Variants in NCAM2 observed in about 807,000 individuals in gnomAD.
NCAM2 encodes the protein N-CAM-2.
Under a neutral mutation model 98.1 loss-of-function variants are expected in NCAM2, and 30 were observed. The ratio of observed to expected loss-of-function variants is 0.31; its 90% CI spans 0.23 to 0.41. NCAM2 has a LOEUF of 0.41. NCAM2 is among the 10% of genes least tolerant of loss of function. The probability of loss-of-function intolerance (pLI) is 1.00; values close to 1 mark genes in which losing one functional copy is unlikely to be tolerated. For missense variants in NCAM2, 867 were observed against 1,005.8 expected (o/e 0.86, Z 1.87); for synonymous variants, 368 against 342.4 (o/e 1.07, Z -0.83).
intron 10 of NCAM2, among the ~76,000 whole-genome samples, chr21:21,417,176 CTG>C (rs3037965): frequency 0.014 from 2,165 of 152,194 alleles, 41 homozygotes; most frequent in Admixed American, 0.037. Context: ...ACATTCTTCT[CTG>C]TTGAATTTGC....
chr21:21,155,458 A>G (rs1475014984), intron 1 of NCAM2, among the ~76,000 whole-genome samples: 2 of 151,570 alleles, frequency 1.3e-5, no homozygotes, highest in Non-Finnish European at 3.0e-5. Flanking sequence ...TTTAAACTTA[A>G]TACTTGACAC....
chr21:21,339,143 T>G (rs1424414882), intron 8 of NCAM2, among the ~76,000 whole-genome samples: 1 of 152,136 alleles, frequency 6.6e-6, no homozygotes, highest in Non-Finnish European at 1.5e-5. Context: ...CAGCCTGTTT[T>G]GGTAAATAAA....
chr21:21,256,788 T>A (rs1214123262), intron 1 of NCAM2, among the ~76,000 whole-genome samples: 1 of 152,234 alleles, frequency 6.6e-6, no homozygotes, highest in Non-Finnish European at 1.5e-5. Flanking sequence ...CATTTCTGTG[T>A]GTTGGAACCT....
intron 5 of NCAM2, among the ~76,000 whole-genome samples, chr21:21,322,114 T>C (rs1352149858): frequency 2.6e-5 from 4 of 152,178 alleles, no homozygotes; most frequent in African/African-American, 9.6e-5. Context: ...CACCATGGAC[T>C]ACTACACTGC....
intron 1 of NCAM2, among the ~76,000 whole-genome samples, chr21:21,126,832 C>T (rs567998949): frequency 1.1e-4 from 16 of 151,952 alleles, no homozygotes; most frequent in African/African-American, 3.4e-4. Context: ...AACTGTCATA[C>T]GTGTGTATTA....
chr21:21,009,738 A>G (rs767640814), intron 1 of NCAM2, among the ~76,000 whole-genome samples: 4 of 152,028 alleles, frequency 2.6e-5, no homozygotes, highest in Non-Finnish European at 5.9e-5. Flanking sequence ...TGTTATTGGA[A>G]ACCAATTCTG....
intron 5 of NCAM2, among the ~76,000 whole-genome samples, chr21:21,309,505 G>A (rs2073979999): frequency 6.6e-6 from 1 of 152,064 alleles, no homozygotes; most frequent in Non-Finnish European, 1.5e-5. Context: ...ATGAACTTTT[G>A]TTTGCTCTGT....
chr21:21,427,918 G>A (rs2077250180), intron 11 of NCAM2, among the ~76,000 whole-genome samples: 1 of 152,136 alleles, frequency 6.6e-6, no homozygotes, highest in African/African-American at 2.4e-5. Context: ...CGTATTCTAG[G>A]GTTTAAGTGC....
intron 3 of NCAM2, among the ~76,000 whole-genome samples, chr21:21,284,838 G>A (rs8133429): frequency 0.83 from 126,387 of 151,366 alleles, 53,077 homozygotes; most frequent in East Asian, 0.99. Flanking sequence ...AGTTGAAACT[G>A]ATCTAGTAGC....
chr21:21,411,719 C>T (rs141205526), intron 10 of NCAM2, among the ~76,000 whole-genome samples: 149 of 152,204 alleles, frequency 9.8e-4, no homozygotes, highest in South Asian at 2.1e-3. Flanking sequence ...ATGAAATGCA[C>T]GTTTTAGAAT....
Position 21,284,209 on chromosome 21 carries a change from A to G in NCAM2, c.146A>G (p.Glu49Gly). ...FFTCTAIGEP[E>G]SIDWYNPQGE... ...CTCTTTGCAGCGATTGGTGAACCTGAAAGTATAGATTGGTATAATCCTCAA... is the reference window on the plus strand; with the variant it reads ...CTCTTTGCAGCGATTGGTGAACCTGGAAGTATAGATTGGTATAATCCTCAA... Residue 49 changes from glutamate to glycine, a missense_variant, in exon 3 of 18, where the codon GAA (glutamate) becomes GGA (glycine). Physicochemically the swap from Glu to Gly is moderately conservative, Grantham distance 98 (BLOSUM62 -2). Transcript: ENST00000400546. 1.2e-6 allele frequency: 2 copies of G among 1,611,592 alleles called. No individual in the cohort carries two copies. The highest frequency in any genetic ancestry group is 1.7e-6 in the Non-Finnish European group (2 of 1,178,070).
At chr21:21,311,880 C>T (rs1056792294) in intron 5 of NCAM2, among the ~76,000 whole-genome samples, 6 of 152,064 alleles carry the variant, frequency 3.9e-5, no homozygotes, top group African/African-American at 9.7e-5. Flanking sequence ...TTACACTCAA[C>T]AATTAGTTCT....
chr21:21,261,111 G>T (rs1204821344), intron 1 of NCAM2, among the ~76,000 whole-genome samples: 1 of 151,952 alleles, frequency 6.6e-6, no homozygotes, highest in East Asian at 1.9e-4. Context: ...AAAAAGAATG[G>T]AATTATTTAG....
chr21:21,173,417 C>G (rs146260643), intron 1 of NCAM2, among the ~76,000 whole-genome samples: 2 of 152,058 alleles, frequency 1.3e-5, no homozygotes, highest in Non-Finnish European at 2.9e-5. Context: ...ATAAGGTTGT[C>G]AATAGCAATG....
At chr21:21,512,921 G>A (rs897198118) in intron 16 of NCAM2, among the ~76,000 whole-genome samples, 2 of 151,850 alleles carry the variant, frequency 1.3e-5, no homozygotes, top group African/African-American at 4.8e-5. Flanking sequence ...ACTGATTATT[G>A]TACGTTGATT....
At chr21:21,385,482 G>T (rs1165250457) in intron 9 of NCAM2, 3 of 451,172 alleles carry the variant, frequency 6.6e-6, no homozygotes, top group Non-Finnish European at 1.3e-5. Flanking sequence ...ACTGCTAAGA[G>T]TGAGTAGAAA....
At chr21:21,295,504 C>T (rs867274255) in intron 5 of NCAM2, among the ~76,000 whole-genome samples, 8 of 151,878 alleles carry the variant, frequency 5.3e-5, no homozygotes, top group South Asian at 2.1e-4. Context: ...TTCACCCAGT[C>T]GATCATGTGA....
chr21:21,356,673 T>A (rs1376639422), intron 8 of NCAM2, among the ~76,000 whole-genome samples: 1 of 152,144 alleles, frequency 6.6e-6, no homozygotes, highest in Non-Finnish European at 1.5e-5. Context: ...TGTGCTAATC[T>A]AGACACAAGG....
chr21:21,062,780 A>G (rs1354875184), intron 1 of NCAM2, among the ~76,000 whole-genome samples: 1 of 152,218 alleles, frequency 6.6e-6, no homozygotes, highest in Admixed American at 6.5e-5. Flanking sequence ...ATTGAAAATA[A>G]TCATACAATG....
Sources: gnomAD v4.1 joint callset for allele counts (sites outside exome capture counted in the v4.1 genomes callset) on GRCh38, gnomAD v4.1.1 for gene constraint, MANE v1.5 for transcripts, NCBI Gene and HGNC (gene_info 2026-07-23, HGNC 2026-07-21) for gene names.